Variants in RAB15 observed in about 807,000 individuals in gnomAD.
The protein encoded by RAB15 is ras-related protein Rab-15.
A neutral mutation model predicts 31.8 loss-of-function variants in RAB15; 13 were observed. The ratio of observed to expected loss-of-function variants is 0.41; its 90% confidence interval spans 0.27 to 0.65. The LOEUF (loss-of-function observed/expected upper bound fraction) is 0.65. Ranked by LOEUF, RAB15 falls within the 30% of genes least tolerant of loss-of-function variation. The probability of loss-of-function intolerance (pLI) is 0.32; values close to 1 mark genes in which losing one functional copy is unlikely to be tolerated. For missense variants in RAB15, 220 were observed against 277.3 expected, an observed-to-expected ratio of 0.79 and a Z score of 1.47; for synonymous variants, 100 against 105.6, an observed-to-expected ratio of 0.95 and a Z score of 0.33.
In RAB15 at chr14:64,951,239, G is replaced by A; in HGVS notation, c.247-88C>T. 4 of 1,093,868 alleles carry A rather than the reference G, an allele frequency of 3.7e-6. No homozygotes were observed. The highest frequency in any genetic ancestry group is 5.4e-6 in the Non-Finnish European group (4 of 738,818). The allele number at this position is 1,093,868 out of a possible 1,614,324, so 67.8% of individuals were successfully genotyped here. Reference sequence around the variant, plus strand: ...AGGGGCCGTGGAAACTTAAAGGTTGGGTCCCACTCTCCCATTCTCCCTGCT... The same window carrying A: ...AGGGGCCGTGGAAACTTAAAGGTTGAGTCCCACTCTCCCATTCTCCCTGCT... On this transcript the variant is annotated intron_variant, in intron 3 of 6. Coordinates refer to ENST00000533601, the MANE Select transcript of RAB15 (RefSeq NM_001308154.2). This position sits in a 1 kb window ranked among gnomAD's most constrained non-coding sequence, Gnocchi z 7.2.
In RAB15 at chr14:64,948,849, C is replaced by CA; in HGVS notation, c.415-117dup. ...ACCATGCTGTGTTGTGACGATTTCTCAGAGTAGATAATTTCTCAGATGGGA... is the reference window on the plus strand; with the variant it reads ...ACCATGCTGTGTTGTGACGATTTCTCAAGAGTAGATAATTTCTCAGATGGGA... On this transcript the variant is annotated intron_variant, in intron 5 of 6. Transcript: ENST00000533601. This position sits in a 1 kb window ranked among gnomAD's most constrained non-coding sequence, Gnocchi z 7.0. 1.1e-6 allele frequency: 1 copy of CA among 881,724 alleles called. No individual in the cohort carries two copies. The highest frequency in any genetic ancestry group is 1.8e-6 in the Non-Finnish European group (1 of 556,156). The allele number at this position is 881,724 out of a possible 1,614,324, so 54.6% of individuals were successfully genotyped here.
At position 64,955,286 on chromosome 14, in the gene RAB15, A is replaced by G. The variant is rs1441881526; in HGVS notation, c.125-2715T>C. On this transcript the variant is annotated intron_variant, in intron 1 of 6. Transcript: ENST00000533601. This position sits in a 1 kb window ranked among gnomAD's most constrained non-coding sequence, Gnocchi z 4.4. Reference sequence around the variant, plus strand: ...AAATTTAAAAAAGGTTAACAGCCCAAGGATCTTCAAGAGGAATCTATTGCT... The same window carrying G: ...AAATTTAAAAAAGGTTAACAGCCCAGGGATCTTCAAGAGGAATCTATTGCT... Among the ~76,000 whole-genome samples, 1 of 152,104 alleles carries G rather than the reference A, an allele frequency of 6.6e-6. No homozygotes were observed. Among genetic ancestry groups the G allele is most frequent in the Non-Finnish European group, 1.5e-5 (1 of 68,024 alleles).
rs988682501 is a variant in RAB15 at position 64,953,518 on chromosome 14, C to T, written c.125-947G>A. Among the ~76,000 whole-genome samples the T allele has an allele frequency of 3.2e-4, 49 of 152,208 alleles. No individual in the cohort carries two copies. Among genetic ancestry groups the T allele is most frequent in the African/African-American group, 1.0e-3 (42 of 41,440 alleles). ...AGGGAAAGGAAGCAAAGAGTTCCCA[C>T]GCTTCTTCATCCAAGGGCTGGAGGA... On this transcript the variant is annotated intron_variant, in intron 1 of 6. Transcript: ENST00000533601. The surrounding 1 kb of genome is among the most constrained non-coding windows in gnomAD (Gnocchi z 4.6).
intron 1 of RAB15, among the ~76,000 whole-genome samples, chr14:64,960,393 C>T (rs1240679031): frequency 6.6e-6 from 1 of 152,158 alleles, no homozygotes; most frequent in Non-Finnish European, 1.5e-5. Context: ...TGTCTGCCTC[C>T]CTAGAAAGCC....
intron 1 of RAB15, among the ~76,000 whole-genome samples, chr14:64,967,883 A>G (rs1167586789): frequency 2.0e-5 from 3 of 152,188 alleles, no homozygotes; most frequent in Non-Finnish European, 2.9e-5. Context: ...GTGAGGGGCC[A>G]TTCAGAGGTT....
Position 64,950,743 on chromosome 14 carries a change from G to A in RAB15, c.325-329C>T. The A allele has an allele frequency of 3.3e-6, 2 of 598,432 alleles. No homozygotes were observed. Among genetic ancestry groups the A allele is most frequent in the Non-Finnish European group, 5.9e-6 (2 of 336,618 alleles). 37.1% of individuals were successfully genotyped at this position (598,432 alleles called of 1,614,324 possible). ...CCAGAGGATTCAAATGGCTTCCCAAGGCTCCACAGCTATTGTGCAGAGCCA... is the reference window on the plus strand; with the variant it reads ...CCAGAGGATTCAAATGGCTTCCCAAAGCTCCACAGCTATTGTGCAGAGCCA... On this transcript the variant is annotated intron_variant, in intron 4 of 6. Transcript: ENST00000533601. This position sits in a 1 kb window ranked among gnomAD's most constrained non-coding sequence, Gnocchi z 5.6.
chr14:64,952,600 A>C lies in RAB15; in HGVS notation c.125-29T>G. On this transcript the variant is annotated intron_variant, in intron 1 of 6. Transcript: ENST00000533601. The surrounding 1 kb of genome is among the most constrained non-coding windows in gnomAD (Gnocchi z 4.2). ...AAGAAAGGAAGAAAGAAAGAAAGTT[A>C]GAAAGCGTACCCACGAGAAATGAAC... The C allele has an allele frequency of 6.5e-7, 1 of 1,541,752 alleles. No homozygotes were observed. The highest frequency in any genetic ancestry group is 1.4e-5 in the African/African-American group (1 of 73,286).
Position 64,971,357 on chromosome 14 carries a change from T to C in RAB15, c.124+596A>G, listed in dbSNP as rs1262439943. ...CCTCTTTAGCCTCCCTCAGAACAGA[T>C]GTCTCCTCTTCCCAGGCGCAGGGGC... On this transcript the variant is annotated intron_variant, in intron 1 of 6. Transcript: ENST00000533601. This position sits in a 1 kb window ranked among gnomAD's most constrained non-coding sequence, Gnocchi z 4.1. Among the ~76,000 whole-genome samples the C allele has an allele frequency of 6.6e-6, 1 of 152,154 alleles. No homozygotes were observed. The highest frequency in any genetic ancestry group is 1.9e-4 in the East Asian group (1 of 5,176).
At position 64,952,437 on chromosome 14, in the gene RAB15, C is replaced by T. The variant is rs1033561521; in HGVS notation, c.185+74G>A. The T allele has an allele frequency of 2.6e-6, 3 of 1,134,596 alleles. No homozygotes were observed. In the Admixed American group the frequency reaches 5.8e-5, roughly 22 times the overall value. 70.3% of individuals were successfully genotyped at this position (1,134,596 alleles called of 1,614,324 possible). On this transcript the variant is annotated intron_variant, in intron 2 of 6. Coordinates refer to ENST00000533601, the MANE Select transcript of RAB15 (RefSeq NM_001308154.2). This position sits in a 1 kb window ranked among gnomAD's most constrained non-coding sequence, Gnocchi z 4.2. The stretch of plus-strand genomic sequence containing the variant: ...CCAGGTGAAGCCTAGGAATTTTACA[C>T]ATGGCAGGGGCAGCTAAGGAGCAGC...
rs569743621 is a variant in RAB15 at position 64,952,351 on chromosome 14, T to C, written c.185+160A>G. On this transcript the variant is annotated intron_variant, in intron 2 of 6. Coordinates refer to ENST00000533601, the MANE Select transcript of RAB15 (RefSeq NM_001308154.2). This position sits in a 1 kb window ranked among gnomAD's most constrained non-coding sequence, Gnocchi z 4.2. ...TTCTTAGAGGTTGGAGATTAAGGCT[T>C]ATAGGAAGAGATGGGCTTCTGAGAC... Among the ~76,000 whole-genome samples, 39 of 152,274 alleles carry C rather than the reference T, an allele frequency of 2.6e-4. No individual in the cohort carries two copies. Among genetic ancestry groups the C allele is most frequent in the African/African-American group, 9.4e-4 (39 of 41,554 alleles).
Position 64,955,288 on chromosome 14 carries a change from G to A in RAB15, c.125-2717C>T, listed in dbSNP as rs886924265. Among the ~76,000 whole-genome samples the A allele has an allele frequency of 6.6e-6, 1 of 152,076 alleles. No individual in the cohort carries two copies. Among genetic ancestry groups the A allele is most frequent in the African/African-American group, 2.4e-5 (1 of 41,400 alleles). On this transcript the variant is annotated intron_variant, in intron 1 of 6. Coordinates refer to ENST00000533601, the MANE Select transcript of RAB15 (RefSeq NM_001308154.2). This position sits in a 1 kb window ranked among gnomAD's most constrained non-coding sequence, Gnocchi z 4.4. ...ATTTAAAAAAGGTTAACAGCCCAAGGATCTTCAAGAGGAATCTATTGCTTC... is the reference window on the plus strand; with the variant it reads ...ATTTAAAAAAGGTTAACAGCCCAAGAATCTTCAAGAGGAATCTATTGCTTC...
Position 64,948,530 on chromosome 14 carries a change from C to T in RAB15, c.481-18G>A. On this transcript the variant is annotated intron_variant, in intron 6 of 6. Transcript: ENST00000533601. This position sits in a 1 kb window ranked among gnomAD's most constrained non-coding sequence, Gnocchi z 7.0. ...GTGAATGACTGGAAACCAAAGGGCA[C>T]AGGTTAGTCCAGTGTCTCCTCCTCT... The T allele has an allele frequency of 1.3e-6, 2 of 1,599,796 alleles. No individual in the cohort carries two copies. The highest frequency in any genetic ancestry group is 1.7e-6 in the Non-Finnish European group (2 of 1,172,108).
At chr14:64,957,306 G>A (rs1886629721) in intron 1 of RAB15, among the ~76,000 whole-genome samples, 2 of 152,110 alleles carry the variant, frequency 1.3e-5, no homozygotes, top group South Asian at 4.1e-4. Flanking sequence ...ATTAAACGAT[G>A]TATGTGAAGC....
chr14:64,948,689 G>C lies in RAB15; in HGVS notation c.459C>G (p.Cys153Trp). 1 of 1,614,140 alleles carries C rather than the reference G, an allele frequency of 6.2e-7. No homozygotes were observed. The highest frequency in any genetic ancestry group is 8.5e-7 in the Non-Finnish European group (1 of 1,180,034). The stretch of plus-strand genomic sequence containing the variant: ...TCACCTCTTTAATGTTGAGGTTGGT[G>C]CAGGCACTTGTTTCATAGAAGTCCA... ...YGMDFYETSA[C>W]TNLNIKESFT... The change falls in exon 6 of 7, where the codon TGC becomes TGG. Residue 153 changes from cysteine to tryptophan, a missense_variant. Coordinates refer to ENST00000533601, the MANE Select transcript of RAB15 (RefSeq NM_001308154.2). This position sits in a 1 kb window ranked among gnomAD's most constrained non-coding sequence, Gnocchi z 7.0.
At chr14:64,965,880 C>T (rs1236681258) in intron 1 of RAB15, among the ~76,000 whole-genome samples, 1 of 152,142 alleles carries the variant, frequency 6.6e-6, no homozygotes, top group Non-Finnish European at 1.5e-5. Context: ...AGCGGAAACC[C>T]TCCGCGGGCT....
rs1886063687 is a variant in RAB15 at position 64,948,742 on chromosome 14, G to A, written c.415-9C>T. ...CCATACTCCTTCGCCAGCTGCAAGA[G>A]AAGGACATTTCTGAAAGAGAGTCAG... is the stretch of plus-strand genomic sequence containing the variant. On this transcript the variant is annotated splice_polypyrimidine_tract_variant and intron_variant, in intron 5 of 6. Transcript: ENST00000533601. The surrounding 1 kb of genome is among the most constrained non-coding windows in gnomAD (Gnocchi z 7.0). 3 of 1,611,908 alleles carry A rather than the reference G, an allele frequency of 1.9e-6. No individual in the cohort carries two copies. The East Asian group carries it at 6.7e-5, about 36-fold the overall frequency.
At position 64,971,890 on chromosome 14, in the gene RAB15, G is replaced by C; in HGVS notation, c.124+63C>G. ...GGCAATTCCTCCCCAGCTGGGGACG[G>C]GGGCGGCGGGGAAAGGGGCCGCGGG... is the stretch of plus-strand genomic sequence containing the variant. On this transcript the variant is annotated intron_variant, in intron 1 of 6. Coordinates refer to ENST00000533601, the MANE Select transcript of RAB15 (RefSeq NM_001308154.2). The surrounding 1 kb of genome is among the most constrained non-coding windows in gnomAD (Gnocchi z 4.1). The C allele has an allele frequency of 6.8e-7, 1 of 1,478,922 alleles. No individual in the cohort carries two copies. The highest frequency in any genetic ancestry group is 1.8e-4 in the Middle Eastern group (1 of 5,594). The allele number at this position is 1,478,922 out of a possible 1,614,324, so 91.6% of individuals were successfully genotyped here. A position where few individuals can be genotyped will look rare whatever the true frequency, so the allele number is the denominator to read the frequency against.
Position 64,970,261 on chromosome 14 carries a change from C to A in RAB15, c.124+1692G>T, listed in dbSNP as rs1464391654. Among the ~76,000 whole-genome samples the A allele has an allele frequency of 2.0e-5, 3 of 152,228 alleles. No homozygotes were observed. The highest frequency in any genetic ancestry group is 7.2e-5 in the African/African-American group (3 of 41,450). ...TAAGGGATAACCCACCGCCCTTTGT[C>A]CCTGAGCCCACAACCTGTCCTCATA... On this transcript the variant is annotated intron_variant, in intron 1 of 6. Coordinates refer to ENST00000533601, the MANE Select transcript of RAB15 (RefSeq NM_001308154.2). The surrounding 1 kb of genome is among the most constrained non-coding windows in gnomAD (Gnocchi z 4.1).
chr14:64,971,608 T>C lies in RAB15; in HGVS notation c.124+345A>G, dbSNP rs2140009469. Among the ~76,000 whole-genome samples the C allele has an allele frequency of 6.6e-6, 1 of 151,358 alleles. No individual in the cohort carries two copies. Among genetic ancestry groups the C allele is most frequent in the Non-Finnish European group, 1.5e-5 (1 of 67,838 alleles). On this transcript the variant is annotated intron_variant, in intron 1 of 6. Transcript: ENST00000533601. This position sits in a 1 kb window ranked among gnomAD's most constrained non-coding sequence, Gnocchi z 4.1. ...GCAGAAGCTTTACTTCCCCTCCCCC[T>C]GGGGGTGTGGGGATGTTATTCCAGC...
Sources: gnomAD v4.1 joint callset for allele counts (sites outside exome capture counted in the v4.1 genomes callset) on GRCh38, gnomAD v4.1.1 for gene constraint, Gnocchi (gnomAD v3.1) non-coding constraint, MANE v1.5 for transcripts, NCBI Gene and HGNC (gene_info 2026-07-23, HGNC 2026-07-21) for gene names.